Variants in CHSY3 observed in about 807,000 individuals in gnomAD.
CHSY3 encodes the protein chondroitin sulfate synthase 3.
A neutral mutation model predicts 67.2 loss-of-function variants in CHSY3; 35 were observed. The observed-to-expected ratio is 0.52, with a 90% CI of 0.40 to 0.69. CHSY3 has a LOEUF of 0.69. Ranked by LOEUF, CHSY3 falls within the 30% of genes least tolerant of loss-of-function variation. The pLI is 0.00. For missense variants in CHSY3, 1,069 were observed against 1,138.5 expected (o/e 0.94, Z 0.88); for synonymous variants, 474 against 434.7 (o/e 1.09, Z -1.12).
chr5:129,926,573 A>G (rs1761117809), intron 2 of CHSY3, among the ~76,000 whole-genome samples: 1 of 151,842 alleles, frequency 6.6e-6, no homozygotes, highest in African/African-American at 2.4e-5. Context: ...AAAATTCTGC[A>G]TTTCTCATAT....
intron 2 of CHSY3, among the ~76,000 whole-genome samples, chr5:130,060,676 A>G (rs904662169): frequency 3.3e-5 from 5 of 152,174 alleles, no homozygotes; most frequent in African/African-American, 1.2e-4. Context: ...GACTCCTCCA[A>G]AAGACTCCTA....
Position 130,016,168 on chromosome 5 carries a change from A to G in CHSY3, c.1086+107808A>G, listed in dbSNP as rs149045090. 2.0e-3 allele frequency among the ~76,000 whole-genome samples: 310 copies of G among 152,332 alleles called. 1 individual carries two copies. Among genetic ancestry groups the G allele is most frequent in the African/African-American group, 6.3e-3 (262 of 41,586 alleles). ...CCTGGTGATGGAGTAATTTTACACC[A>G]AACCCCAATGTCACACAATTCACCC... On this transcript the variant is annotated intron_variant, in intron 2 of 2. Transcript: ENST00000305031.
At chr5:130,046,635 A>C (rs1176028490) in intron 2 of CHSY3, among the ~76,000 whole-genome samples, 1 of 152,138 alleles carries the variant, frequency 6.6e-6, no homozygotes, top group Non-Finnish European at 1.5e-5. Flanking sequence ...ATTGTCAATT[A>C]GAATGTGCTA....
intron 2 of CHSY3, among the ~76,000 whole-genome samples, chr5:129,996,783 C>A (rs1054122420): frequency 2.0e-5 from 3 of 152,066 alleles, no homozygotes; most frequent in Non-Finnish European, 4.4e-5. Flanking sequence ...ACTCCTACAT[C>A]ATTTGCATTA....
At chr5:129,923,152 G>T (rs1760978602) in intron 2 of CHSY3, among the ~76,000 whole-genome samples, 1 of 152,160 alleles carries the variant, frequency 6.6e-6, no homozygotes, top group South Asian at 2.1e-4. Flanking sequence ...AAGAGCTAAG[G>T]AGGAGAGAGA....
At chr5:130,160,363 C>A (rs974215003) in intron 2 of CHSY3, among the ~76,000 whole-genome samples, 10 of 152,206 alleles carry the variant, frequency 6.6e-5, no homozygotes, top group Non-Finnish European at 7.3e-5. Context: ...TCTTTTCAAT[C>A]CCCCTTACTA....
intron 2 of CHSY3, among the ~76,000 whole-genome samples, chr5:129,936,001 A>T (rs1227346861): frequency 6.6e-6 from 1 of 152,224 alleles, no homozygotes; most frequent in Non-Finnish European, 1.5e-5. Flanking sequence ...GCTGAAAAAA[A>T]ATCTGAATTT....
chr5:130,080,069 C>CACACAG (rs1561527167), intron 2 of CHSY3, among the ~76,000 whole-genome samples: 1 of 151,084 alleles, frequency 6.6e-6, no homozygotes, highest in Admixed American at 6.6e-5. Flanking sequence ...CACACACACA[C>CACACAG]AGAAAAACAC....
At chr5:130,164,686 G>A (rs531849544) in intron 2 of CHSY3, among the ~76,000 whole-genome samples, 74 of 152,252 alleles carry the variant, frequency 4.9e-4, no homozygotes, top group African/African-American at 1.5e-3. Flanking sequence ...ACCATTTACA[G>A]GATGTCAGGC....
intron 2 of CHSY3, among the ~76,000 whole-genome samples, chr5:129,960,106 T>G (rs114576176): frequency 0.015 from 2,264 of 152,148 alleles, 48 homozygotes; most frequent in African/African-American, 0.051. Flanking sequence ...TAAGAAAGCT[T>G]CTTTCCATTC....
chr5:130,024,341 A>C (rs114226258), intron 2 of CHSY3, among the ~76,000 whole-genome samples: 1,801 of 152,226 alleles, frequency 0.012, 29 homozygotes, highest in African/African-American at 0.04. Flanking sequence ...ACAGTTGTTC[A>C]TCCAAATCTT....
chr5:129,915,644 A>AT (rs1361238550), intron 2 of CHSY3, among the ~76,000 whole-genome samples: 8 of 152,090 alleles, frequency 5.3e-5, no homozygotes, highest in African/African-American at 1.9e-4. Flanking sequence ...CAGTTTCATT[A>AT]TTTTTTATTG....
At chr5:129,979,189 G>A (rs1359033130) in intron 2 of CHSY3, among the ~76,000 whole-genome samples, 3 of 100,432 alleles carry the variant, frequency 3.0e-5, no homozygotes, top group African/African-American at 3.9e-5. Context: ...GAGACAGCGA[G>A]ACTCCGTCTC....
At chr5:130,112,868 CT>C (rs1490966485) in intron 2 of CHSY3, among the ~76,000 whole-genome samples, 1 of 152,076 alleles carries the variant, frequency 6.6e-6, no homozygotes, top group African/African-American at 2.4e-5. Flanking sequence ...CTCATTTTCC[CT>C]TTTAGATCTT....
At chr5:129,966,708 C>T (rs1044702220) in intron 2 of CHSY3, among the ~76,000 whole-genome samples, 8 of 151,756 alleles carry the variant, frequency 5.3e-5, no homozygotes, top group Middle Eastern at 3.4e-3. Context: ...ATGAAAAGTT[C>T]TGCTTTTATC....
intron 2 of CHSY3, among the ~76,000 whole-genome samples, chr5:130,076,416 T>G (rs1222698395): frequency 1.3e-5 from 2 of 151,958 alleles, no homozygotes; most frequent in Non-Finnish European, 2.9e-5. Context: ...ATACTTTTTT[T>G]TGTAATTAGT....
At chr5:130,060,572 G>T (rs909680047) in intron 2 of CHSY3, among the ~76,000 whole-genome samples, 2 of 152,114 alleles carry the variant, frequency 1.3e-5, no homozygotes, top group Non-Finnish European at 2.9e-5. Flanking sequence ...GAGCAGTCAG[G>T]CAAGAGAAGG....
chr5:130,097,825 A>C lies in CHSY3; in HGVS notation c.1087-86404A>C, dbSNP rs570985243. On this transcript the variant is annotated intron_variant, in intron 2 of 2. Coordinates refer to ENST00000305031, the MANE Select transcript of CHSY3 (RefSeq NM_175856.5). ...GTAGCCATCCTGGCTAACACGGTGA[A>C]ACCCCGTCTCTACTAAAAATACAAA... Among the ~76,000 whole-genome samples the C allele has an allele frequency of 5.6e-4, 85 of 152,186 alleles. 2 individuals are homozygous for C. In the South Asian group the frequency reaches 0.017, roughly 31 times the overall value.
chr5:130,043,437 T>C (rs1043050001), intron 2 of CHSY3, among the ~76,000 whole-genome samples: 1 of 152,138 alleles, frequency 6.6e-6, no homozygotes, highest in Non-Finnish European at 1.5e-5. Flanking sequence ...TGCATGAATT[T>C]GGATGTCTGG....
Sources: allele counts gnomAD v4.1 joint callset (sites outside exome capture counted in the v4.1 genomes callset), GRCh38; gene constraint gnomAD v4.1.1; transcripts MANE v1.5; gene names NCBI Gene and HGNC (gene_info 2026-07-23, HGNC 2026-07-21).